Variants in TMEM67 observed in about 807,000 individuals in gnomAD.
TMEM67 encodes meckelin.
Under a neutral mutation model 136.6 loss-of-function variants are expected in TMEM67, and 124 were observed. The observed-to-expected ratio is 0.91, with a 90% CI of 0.78 to 1.05. TMEM67 has a LOEUF of 1.05. TMEM67 is among the 50% of genes least tolerant of loss of function. TMEM67 has a pLI of 0.00. For synonymous variants in TMEM67, 364 were observed against 390.5 expected (o/e 0.93, Z 0.80); for missense variants, 1,107 against 1,178.4 (o/e 0.94, Z 0.89).
intron 16 of TMEM67, chr8:93,794,687 C>A (rs1400948789): frequency 6.6e-6 from 1 of 152,348 alleles, no homozygotes; most frequent in Non-Finnish European, 1.5e-5. Flanking sequence ...GAAAGGCTTC[C>A]CAGAGAAATG....
chr8:93,797,467 G>A lies in TMEM67; in HGVS notation c.2097G>A (p.Leu699=), dbSNP rs780728627. ...LFQVLTVLFF[L]EVVGFKNLAL... ...AAGTACTTACTGTCCTCTTCTTTTT[G>A]GAGGTATAAACTGTTTGATGTGATT... Residue 699 remains leucine (L), a synonymous_variant, in exon 20 of 28, where the codon TTG becomes TTA. Transcript: ENST00000453321. 2 of 1,613,286 alleles carry A rather than the reference G, an allele frequency of 1.2e-6. No individual in the cohort carries two copies. The highest frequency in any genetic ancestry group is 1.1e-5 in the South Asian group (1 of 90,962).
At chr8:93,805,456 C>T (rs969669488) in intron 23 of TMEM67, among the ~76,000 whole-genome samples, 2 of 151,908 alleles carry the variant, frequency 1.3e-5, no homozygotes, top group African/African-American at 4.8e-5. Context: ...TGGTCGCGGG[C>T]GCCTGTAGTC....
downstream of TMEM67, among the ~76,000 whole-genome samples, chr8:93,823,514 A>G (rs1443341375): frequency 1.3e-5 from 2 of 152,004 alleles, no homozygotes; most frequent in African/African-American, 4.8e-5. Context: ...ATACTTAACG[A>G]TAGTTTGGGT....
chr8:93,829,378 C>CTG, the TMEM67 span, among the ~76,000 whole-genome samples: 8 of 148,302 alleles, frequency 5.4e-5, no homozygotes, highest in South Asian at 2.1e-4. Flanking sequence ...CTCTCTCTCT[C>CTG]TCTCTGTGTG....
intron 7 of TMEM67, among the ~76,000 whole-genome samples, chr8:93,773,774 G>A (rs1248234535): frequency 6.6e-6 from 1 of 152,152 alleles, no homozygotes; most frequent in Non-Finnish European, 1.5e-5. Context: ...GATTTTATGT[G>A]TAAGATCTAA....
chr8:93,755,879 T>G lies in TMEM67; in HGVS notation c.312+13T>G. 6.9e-7 allele frequency: 1 copy of G among 1,459,758 alleles called. No homozygotes were observed. Among genetic ancestry groups the G allele is most frequent in the Non-Finnish European group, 9.5e-7 (1 of 1,048,050 alleles). 90.4% of individuals were successfully genotyped at this position (1,459,758 alleles called of 1,614,324 possible). On this transcript the variant is annotated intron_variant, in intron 2 of 27. Transcript: ENST00000453321. ...CCCAGAAAACATGGTGCGCATAATT[T>G]ATTTTAAAATAACTTACCTGTAAAA...
intron 7 of TMEM67, among the ~76,000 whole-genome samples, chr8:93,775,802 G>A (rs543872716): frequency 6.6e-6 from 1 of 152,250 alleles, no homozygotes; most frequent in South Asian, 2.1e-4. Flanking sequence ...CTCCAGCTTT[G>A]TTCTTTTTGT....
intron 20 of TMEM67, 69 bp from the exon 21 acceptor site, chr8:93,799,549 T>C: frequency 6.6e-7 from 1 of 1,521,840 alleles, no homozygotes; most frequent in African/African-American, 1.4e-5. Context: ...AGAGGTTTTC[T>C]GTTTTCAGTC....
chr8:93,762,614 GA>G (rs1355346421), intron 3 of TMEM67, among the ~76,000 whole-genome samples: 3 of 152,056 alleles, frequency 2.0e-5, no homozygotes, highest in Non-Finnish European at 4.4e-5. Flanking sequence ...TGCCTCCATT[GA>G]AAATATTAAC....
chr8:93,808,861 G>A lies in TMEM67; in HGVS notation c.2461G>A (p.Gly821Ser), dbSNP rs267607116. 1 of 1,610,666 alleles carries A rather than the reference G, an allele frequency of 6.2e-7. No individual in the cohort carries two copies. Among genetic ancestry groups the A allele is most frequent in the Non-Finnish European group, 8.5e-7 (1 of 1,177,266 alleles). Residue 821 changes from glycine (G) to serine (S), a missense_variant, in exon 24 of 28, where the codon GGT becomes AGT. By Grantham distance (56) the Gly-to-Ser change is moderately conservative. Coordinates refer to ENST00000453321, the MANE Select transcript of TMEM67 (RefSeq NM_153704.6). ...REAENLCSQR[G>S]LVPNTDGQTF... ...TCAGGAAAATTTGTGTAGCCAGAGA[G>A]GTTTGGTACCCAACACAGATGGTCA...
chr8:93,768,091 C>T (rs1291444305), intron 6 of TMEM67, among the ~76,000 whole-genome samples: 1 of 151,802 alleles, frequency 6.6e-6, no homozygotes, highest in African/African-American at 2.4e-5. Flanking sequence ...GTCTCGAACT[C>T]CCCACCTCAA....
chr8:93,780,170 C>A (rs752550533), intron 7 of TMEM67, among the ~76,000 whole-genome samples: 67 of 151,824 alleles, frequency 4.4e-4, no homozygotes, highest in Middle Eastern at 6.8e-3. Flanking sequence ...GCGTGGGACC[C>A]ACCGAGCCAG....
chr8:93,758,889 G>A (rs530687657), intron 3 of TMEM67: 248 of 295,912 alleles, frequency 8.4e-4, no homozygotes, highest in Non-Finnish European at 1.4e-3. Context: ...ATCAGTCACT[G>A]TGTCCAGCCC....
chr8:93,766,273 T>C (rs890286601), intron 6 of TMEM67, among the ~76,000 whole-genome samples: 10 of 152,072 alleles, frequency 6.6e-5, no homozygotes, highest in Admixed American at 6.6e-4. Context: ...CACCTGCCAC[T>C]ACGCCCGGCT....
chr8:93,773,942 T>G (rs962208433), intron 7 of TMEM67, among the ~76,000 whole-genome samples: 7 of 152,146 alleles, frequency 4.6e-5, no homozygotes, highest in Non-Finnish European at 7.3e-5. Context: ...AGTGGAAAGT[T>G]TATTTTCTCC....
At chr8:93,789,434 G>C (rs1814268559) in intron 14 of TMEM67, among the ~76,000 whole-genome samples, 1 of 151,964 alleles carries the variant, frequency 6.6e-6, no homozygotes, top group South Asian at 2.1e-4. Context: ...GGGTAATCAA[G>C]AATGTATTTA....
rs587779735 is a variant in TMEM67 at position 93,755,751 on chromosome 8, CTTT to C, written c.224-5_224-3del. 9.0e-3 allele frequency: 5,661 copies of C among 628,078 alleles called. 30 individuals are homozygous for C. Among genetic ancestry groups the C allele is most frequent in the Admixed American group, 0.057 (1,618 of 28,370 alleles). The allele number at this position is 628,078 out of a possible 1,614,324, so 38.9% of individuals were successfully genotyped here. On this transcript the variant is annotated intron_variant, in intron 1 of 27. Coordinates refer to ENST00000453321, the MANE Select transcript of TMEM67 (RefSeq NM_153704.6). ...TTTTATTTATCAAGGATAAAATTGG[CTTT>C]TTTTTTTTTTTTTTTTTTTTTAGGA...
intron 6 of TMEM67, among the ~76,000 whole-genome samples, chr8:93,768,603 C>CT (rs1446155253): frequency 6.6e-6 from 1 of 152,000 alleles, no homozygotes; most frequent in Non-Finnish European, 1.5e-5. Flanking sequence ...GAACAAGACT[C>CT]TGTCTCAAAA....
At chr8:93,818,699 A>G (rs1226869793), downstream of TMEM67, among the ~76,000 whole-genome samples, 1 of 152,186 alleles carries the variant, frequency 6.6e-6, no homozygotes, top group African/African-American at 2.4e-5. Flanking sequence ...GGTATCTTGA[A>G]CTAAGTCATT....
Sources: gnomAD v4.1 joint callset for allele counts (sites outside exome capture counted in the v4.1 genomes callset) on GRCh38, gnomAD v4.1.1 for gene constraint, MANE v1.5 for transcripts, NCBI Gene and HGNC (gene_info 2026-07-23, HGNC 2026-07-21) for gene names.